PLEKHM3: variants seen among roughly 807,000 people sequenced by gnomAD.
PLEKHM3 encodes pleckstrin homology domain-containing family M member 3.
A neutral mutation model predicts 81.8 loss-of-function variants in PLEKHM3; 45 were observed. The observed-to-expected ratio is 0.55, with a 90% CI of 0.43 to 0.71. The LOEUF (loss-of-function observed/expected upper bound fraction) is 0.71. Ranked by LOEUF, PLEKHM3 falls within the 30% of genes least tolerant of loss-of-function variation. The probability of loss-of-function intolerance (pLI) is 0.00; values close to 1 mark genes in which losing one functional copy is unlikely to be tolerated. For missense variants in PLEKHM3, 788 were observed against 924.3 expected, an observed-to-expected ratio of 0.85 and a Z score of 1.91; for synonymous variants, 352 against 356.4, an observed-to-expected ratio of 0.99 and a Z score of 0.14.
intron 6 of PLEKHM3, among the ~76,000 whole-genome samples, chr2:207,869,372 C>T (rs1201411150): frequency 6.6e-6 from 1 of 152,152 alleles, no homozygotes; most frequent in Non-Finnish European, 1.5e-5. Flanking sequence ...TGCTTCCCTG[C>T]ACTCAACCTC....
rs746841787 is a variant in PLEKHM3, at chr2:207,991,073, C to A, written c.610+9957G>T. ...TGAACCTGACTAGGAGATCACAGAT[C>A]CAACTTTTTAAAAGCAGAGATTTTC... On this transcript the variant is annotated intron_variant, in intron 2 of 7. Coordinates refer to ENST00000427836, the MANE Select transcript of PLEKHM3 (RefSeq NM_001080475.3). 5.9e-5 allele frequency among the ~76,000 whole-genome samples: 9 copies of A among 152,156 alleles called. No homozygotes were observed. In the South Asian group the frequency reaches 8.3e-4, roughly 14 times the overall value.
chr2:207,926,237 C>T (rs1197789870), intron 5 of PLEKHM3, among the ~76,000 whole-genome samples: 4 of 152,154 alleles, frequency 2.6e-5, no homozygotes, highest in African/African-American at 4.8e-5. Flanking sequence ...GAACTCATTT[C>T]CCAAGAGAAA....
intron 6 of PLEKHM3, among the ~76,000 whole-genome samples, chr2:207,888,065 C>T (rs954817171): frequency 2.6e-5 from 4 of 152,086 alleles, no homozygotes; most frequent in African/African-American, 7.2e-5. Flanking sequence ...ACAGGCTTCT[C>T]GGTGACATCT....
intron 3 of PLEKHM3, among the ~76,000 whole-genome samples, chr2:207,970,423 C>T (rs968142318): frequency 1.3e-5 from 2 of 151,968 alleles, no homozygotes; most frequent in African/African-American, 4.8e-5. Context: ...TGGTGGGGGG[C>T]ACCCAGGGAA....
In PLEKHM3 at chr2:208,001,479, A is replaced by G. The variant is rs772528902; in HGVS notation, c.161T>C (p.Ile54Thr). ...ELVGHEVLSN[I>T]TDNGAMRNVT... is the part of the protein sequence containing the mutation. ...ATTTCTCATAGCACCATTGTCTGTT[A>G]TGTTACTGAGTACCTCATGCCCCAC... The change falls in exon 2 of 8, where the codon ATA becomes ACA. Residue 54 changes from isoleucine to threonine, a missense_variant. Physicochemically the swap from Ile to Thr is moderately conservative, Grantham distance 89 (BLOSUM62 -1). Transcript: ENST00000427836. The G allele has an allele frequency of 6.2e-7, 1 of 1,614,152 alleles. No individual in the cohort carries two copies. Among genetic ancestry groups the G allele is most frequent in the East Asian group, 2.2e-5 (1 of 44,882 alleles).
intron 7 of PLEKHM3, among the ~76,000 whole-genome samples, chr2:207,846,128 C>T (rs2092380700): frequency 6.6e-6 from 1 of 152,064 alleles, no homozygotes; most frequent in Admixed American, 6.6e-5. Context: ...CTTCTTTGTT[C>T]CTAGTCCAGT....
intron 5 of PLEKHM3, among the ~76,000 whole-genome samples, chr2:207,910,279 G>A (rs1315906140): frequency 6.6e-6 from 1 of 152,174 alleles, no homozygotes; most frequent in African/African-American, 2.4e-5. Context: ...CTACAGGAAG[G>A]CCCCTGTCGT....
chr2:207,963,256 G>A (rs945821257), intron 3 of PLEKHM3, among the ~76,000 whole-genome samples: 7 of 152,214 alleles, frequency 4.6e-5, no homozygotes, highest in African/African-American at 1.7e-4. Flanking sequence ...CTCTAAGGTG[G>A]GTGAGCAGAA....
intron 3 of PLEKHM3, among the ~76,000 whole-genome samples, chr2:207,973,674 G>C (rs148542107): frequency 0.03 from 4,522 of 152,196 alleles, 206 homozygotes; most frequent in African/African-American, 0.099. Flanking sequence ...AGGAGGCGGA[G>C]GTTGCAGTGA....
At chr2:207,835,352 G>A (rs1462525874) in intron 7 of PLEKHM3, among the ~76,000 whole-genome samples, 1 of 152,176 alleles carries the variant, frequency 6.6e-6, no homozygotes, top group Non-Finnish European at 1.5e-5. Flanking sequence ...CTTGGCGCAG[G>A]TTGGCCTTGG....
At chr2:207,908,164 T>C (rs1319038419) in intron 6 of PLEKHM3, among the ~76,000 whole-genome samples, 1 of 152,186 alleles carries the variant, frequency 6.6e-6, no homozygotes, top group Non-Finnish European at 1.5e-5. Flanking sequence ...GTGTACAGGT[T>C]TTTCTATGGA....
intron 4 of PLEKHM3, among the ~76,000 whole-genome samples, chr2:207,934,779 A>C (rs1244573912): frequency 6.6e-6 from 1 of 152,234 alleles, no homozygotes; most frequent in Non-Finnish European, 1.5e-5. Flanking sequence ...ATGTCACTTG[A>C]TTTGAACATT....
At chr2:207,960,491 C>T (rs747844216) in intron 3 of PLEKHM3, among the ~76,000 whole-genome samples, 1 of 152,176 alleles carries the variant, frequency 6.6e-6, no homozygotes, top group Non-Finnish European at 1.5e-5. Flanking sequence ...TAGGGGTCCA[C>T]TCTATAATAA....
rs1364096726 is a variant in PLEKHM3 at position 207,882,537 on chromosome 2, G to A, written c.1951-21275C>T. Among the ~76,000 whole-genome samples, 6 of 151,110 alleles carry A rather than the reference G, an allele frequency of 4.0e-5. No individual in the cohort carries two copies. The East Asian group carries it at 9.8e-4, about 25-fold the overall frequency. ...TGAGGCAGGAGAATCACTTGAACCC[G>A]GGAGGCAGAGGTTGCAGTGAGCCCA... is the stretch of plus-strand genomic sequence containing the variant. On this transcript the variant is annotated intron_variant, in intron 6 of 7. Coordinates refer to ENST00000427836, the MANE Select transcript of PLEKHM3 (RefSeq NM_001080475.3).
chr2:207,828,975 T>C (rs1317508630), intron 7 of PLEKHM3, among the ~76,000 whole-genome samples: 2 of 152,222 alleles, frequency 1.3e-5, no homozygotes, highest in Non-Finnish European at 2.9e-5. Flanking sequence ...TGCCTTTATT[T>C]GACAGTTTGA....
At chr2:207,988,053 C>A (rs10497889) in intron 2 of PLEKHM3, among the ~76,000 whole-genome samples, 8,137 of 152,274 alleles carry the variant, frequency 0.053, 706 homozygotes, top group African/African-American at 0.18. Flanking sequence ...TCTATCATAT[C>A]TTTAATCCTG....
chr2:207,986,004 A>C (rs1691707686), intron 2 of PLEKHM3, among the ~76,000 whole-genome samples: 1 of 151,460 alleles, frequency 6.6e-6, no homozygotes, highest in African/African-American at 2.4e-5. Flanking sequence ...AAAAAAAAAA[A>C]ATACCATGTT....
rs751039866 is a variant in PLEKHM3 at position 208,001,353 on chromosome 2, A to T, written c.287T>A (p.Met96Lys). The T allele has an allele frequency of 2.5e-6, 4 of 1,614,122 alleles. No individual in the cohort carries two copies. The African/African-American group carries it at 5.3e-5, about 22-fold the overall frequency. ...QNVFPAKEQF[M>K]VQRGTTPDNL... ...ATCTGGGGTTGTCCCTCTCTGGACC[A>T]TAAACTGTTCTTTGGCAGGGAAGAC... Residue 96 changes from methionine (M) to lysine (K), a missense_variant, in exon 2 of 8, where the codon ATG becomes AAG. By Grantham distance (95) the Met-to-Lys change is moderately conservative (BLOSUM62 -1). Transcript: ENST00000427836.
chr2:207,888,354 T>TACACAC (rs72373527), intron 6 of PLEKHM3, among the ~76,000 whole-genome samples: 2,968 of 150,154 alleles, frequency 0.02, 99 homozygotes, highest in African/African-American at 0.068. Context: ...CTTTTCTTCA[T>TACACAC]ACACACACAC....
Sources: gnomAD v4.1 joint callset for allele counts (sites outside exome capture counted in the v4.1 genomes callset) on GRCh38, gnomAD v4.1.1 for gene constraint, MANE v1.5 for transcripts, NCBI Gene and HGNC (gene_info 2026-07-23, HGNC 2026-07-21) for gene names.